Variants in ADARB2 observed in about 807,000 individuals in gnomAD.
The protein encoded by ADARB2 is adenosine deaminase RNA specific B2 (inactive), also known as inactive double-stranded RNA-specific editase B2.
In ADARB2, 25 loss-of-function variants were observed where a neutral mutation model predicts 62.2. That is an observed-to-expected ratio of 0.40 (90% CI 0.29 to 0.56). ADARB2 has a LOEUF of 0.56. Among genes scored for constraint, ADARB2 ranks in the 20% least tolerant of loss-of-function variants. The pLI is 0.43. For synonymous variants in ADARB2, 572 were observed against 500.8 expected, an observed-to-expected ratio of 1.14 and a Z score of -1.90; for missense variants, 1,071 against 1,077.4, an observed-to-expected ratio of 0.99 and a Z score of 0.08.
chr10:1,543,954 T>C (rs1449071727), intron 1 of ADARB2, among the ~76,000 whole-genome samples: 1 of 143,600 alleles, frequency 7.0e-6, no homozygotes, highest in Non-Finnish European at 1.5e-5. Context: ...ATGTTTGTGA[T>C]GGTCCACAGA....
At chr10:1,373,616 C>T in intron 2 of ADARB2, among the ~76,000 whole-genome samples, 1 of 152,156 alleles carries the variant, frequency 6.6e-6, no homozygotes. Flanking sequence ...CCTACATCAG[C>T]TGGGTGGGAA....
chr10:1,703,270 G>A (rs1449929387), intron 1 of ADARB2, among the ~76,000 whole-genome samples: 1 of 152,118 alleles, frequency 6.6e-6, no homozygotes, highest in African/African-American at 2.4e-5. Context: ...CAGGTTGAAG[G>A]GGCATCCAGG....
chr10:1,607,229 G>A (rs533897611), intron 1 of ADARB2, among the ~76,000 whole-genome samples: 71 of 152,306 alleles, frequency 4.7e-4, no homozygotes, highest in Admixed American at 1.5e-3. Context: ...TCCCCTGGCC[G>A]AGGTCTCCGA....
At chr10:1,277,853 C>G (rs1831332906) in intron 3 of ADARB2, among the ~76,000 whole-genome samples, 1 of 152,226 alleles carries the variant, frequency 6.6e-6, no homozygotes. Context: ...CAGAAATCCT[C>G]AATAAAATAC....
chr10:1,650,708 C>T (rs151007661), intron 1 of ADARB2, among the ~76,000 whole-genome samples: 60 of 152,310 alleles, frequency 3.9e-4, no homozygotes, highest in Non-Finnish European at 6.3e-4. Flanking sequence ...AGCTTTAATT[C>T]TCTGTCCGCC....
intron 3 of ADARB2, among the ~76,000 whole-genome samples, chr10:1,316,483 A>G (rs1831741207): frequency 6.6e-6 from 1 of 152,242 alleles, no homozygotes; most frequent in Admixed American, 6.5e-5. Context: ...TGCTGGCCTC[A>G]TTATTTTCCA....
At chr10:1,520,207 T>G (rs1027672761) in intron 1 of ADARB2, among the ~76,000 whole-genome samples, 1 of 152,228 alleles carries the variant, frequency 6.6e-6, no homozygotes, top group Non-Finnish European at 1.5e-5. Flanking sequence ...TATAATACAT[T>G]GTTAGGTTAA....
At position 1,374,577 on chromosome 10, in the gene ADARB2, T is replaced by C. The variant is rs554664238; in HGVS notation, c.187+4497A>G. Reference sequence around the variant, plus strand: ...TGCTGTCTTTCAAAGGTGGAGAGCATGTGCGGGTGGGGCCAGGCCGGGTGG... The same window carrying C: ...TGCTGTCTTTCAAAGGTGGAGAGCACGTGCGGGTGGGGCCAGGCCGGGTGG... On this transcript the variant is annotated intron_variant, in intron 2 of 9. Transcript: ENST00000381312. Among the ~76,000 whole-genome samples the C allele has an allele frequency of 2.6e-3, 393 of 152,260 alleles. 3 individuals carry two copies. The highest frequency in any genetic ancestry group is 8.6e-3 in the African/African-American group (359 of 41,560).
rs141733060 is a variant in ADARB2, at chr10:1,735,856, G to A, written c.100+1195C>T. Among the ~76,000 whole-genome samples, 245 of 152,300 alleles carry A rather than the reference G, an allele frequency of 1.6e-3. 1 individual carries two copies. The highest frequency in any genetic ancestry group is 5.5e-3 in the African/African-American group (227 of 41,552). ...GACATTTATGCCTGCTGACTGTCTG[G>A]ATAATTTCTATTATTGGAAGAGGCA... is the stretch of plus-strand genomic sequence containing the variant. On this transcript the variant is annotated intron_variant, in intron 1 of 9. Transcript: ENST00000381312.
rs1030300579 is a variant in ADARB2 at position 1,178,893 on chromosome 10, C to T, written c.*4300G>A. The T allele has an allele frequency of 3.9e-5, 6 of 152,120 alleles. No individual in the cohort carries two copies. The highest frequency in any genetic ancestry group is 9.7e-5 in the African/African-American group (4 of 41,422). The allele number at this position is 152,120 out of a possible 1,614,324, so 9.4% of individuals were successfully genotyped here. A position where few individuals can be genotyped will look rare whatever the true frequency, so the allele number is the denominator to read the frequency against. ...ATGAGAGGCGGCTGCAGCGATCCAA[C>T]GGTAGTACATAAAAGGAAAGCCTCT... On this transcript the variant is annotated 3_prime_UTR_variant, in exon 10 of 10. Transcript: ENST00000381312.
chr10:1,264,788 C>T (rs1261299099), intron 4 of ADARB2, among the ~76,000 whole-genome samples: 2 of 152,178 alleles, frequency 1.3e-5, no homozygotes, highest in Non-Finnish European at 2.9e-5. Flanking sequence ...CAAAGTTGAA[C>T]TCTACCAGGC....
chr10:1,283,597 C>T (rs1831388247), intron 3 of ADARB2, among the ~76,000 whole-genome samples: 1 of 152,194 alleles, frequency 6.6e-6, no homozygotes. Context: ...CCTATATGGC[C>T]TGTGTCCTTC....
intron 4 of ADARB2, among the ~76,000 whole-genome samples, chr10:1,258,664 C>T (rs1831103381): frequency 6.6e-6 from 1 of 152,134 alleles, no homozygotes; most frequent in Admixed American, 6.5e-5. Context: ...TCCTTAGTGA[C>T]CTACAAAGAG....
chr10:1,306,637 T>C (rs1465677558), intron 3 of ADARB2, among the ~76,000 whole-genome samples: 33 of 135,678 alleles, frequency 2.4e-4, no homozygotes, highest in Admixed American at 4.7e-4. Context: ...GCTGGAGGCA[T>C]CACACTACCT....
At chr10:1,527,018 C>G in intron 1 of ADARB2, 1 of 246,954 alleles carries the variant, frequency 4.0e-6, no homozygotes, top group Non-Finnish European at 8.7e-6. Context: ...ACCACTCCAG[C>G]TTTTTGGAAG....
At chr10:1,683,848 A>C (rs1220669287) in intron 1 of ADARB2, among the ~76,000 whole-genome samples, 2 of 152,228 alleles carry the variant, frequency 1.3e-5, no homozygotes, top group African/African-American at 4.8e-5. Flanking sequence ...GGTGGGGCTG[A>C]GTCCGAGGCC....
intron 7 of ADARB2, among the ~76,000 whole-genome samples, chr10:1,212,964 C>G (rs1484332183): frequency 6.6e-6 from 1 of 152,144 alleles, no homozygotes; most frequent in Non-Finnish European, 1.5e-5. Context: ...GGAACTGAAC[C>G]CCTGCAAGCT....
At chr10:1,724,379 G>A (rs1835136302) in intron 1 of ADARB2, among the ~76,000 whole-genome samples, 1 of 152,220 alleles carries the variant, frequency 6.6e-6, no homozygotes, top group Admixed American at 6.5e-5. Flanking sequence ...ACAGGATCAG[G>A]TGAAAGCACT....
chr10:1,607,152 A>C (rs922863887), intron 1 of ADARB2, among the ~76,000 whole-genome samples: 62 of 152,242 alleles, frequency 4.1e-4, no homozygotes, highest in Non-Finnish European at 3.2e-4. Flanking sequence ...TTGATAAATA[A>C]AATGAAACTT....
Sources: allele counts gnomAD v4.1 joint callset (sites outside exome capture counted in the v4.1 genomes callset), GRCh38; gene constraint gnomAD v4.1.1; transcripts MANE v1.5; gene names NCBI Gene and HGNC (gene_info 2026-07-23, HGNC 2026-07-21).